The following PHF10 variants were observed in gnomAD, a reference collection of about 807,000 sequenced individuals.
PHF10 encodes BRG1-associated factor 45a.
PHF10 carries 51 observed loss-of-function variants against 68.5 expected under a neutral mutation model. The ratio of observed to expected loss-of-function variants is 0.74; its 90% CI spans 0.59 to 0.94. PHF10 has a LOEUF of 0.94. Among genes scored for constraint, PHF10 ranks in the 40% least tolerant of loss-of-function variants. The pLI is 0.00. For missense variants in PHF10, 460 were observed against 602.6 expected (o/e 0.76, Z 2.48); for synonymous variants, 204 against 203.5 (o/e 1.00, Z -0.02).
In PHF10 at chr6:169,704,036, C is replaced by T; in HGVS notation, c.1464G>A (p.Val488=). The part of the protein sequence containing the change: ...CQRAPPTPRK[V]GRRGKNSKEG ...CTTTGCTGTTTTTCCCCCTTCTGCC[C>T]ACTTTCCTGGGTGTTGGGGGGGCCC... The change falls in exon 12 of 12, where the codon GTG becomes GTA. Residue 488 remains valine (V), a synonymous_variant. Coordinates refer to ENST00000339209, the MANE Select transcript of PHF10 (RefSeq NM_018288.4). 6.2e-7 allele frequency: 1 copy of T among 1,600,082 alleles called. No homozygotes were observed. The highest frequency in any genetic ancestry group is 1.8e-5 in the Admixed American group (1 of 56,316).
chr6:169,710,026 G>A (rs1352717606), intron 9 of PHF10: 1 of 397,874 alleles, frequency 2.5e-6, no homozygotes, highest in Non-Finnish European at 4.5e-6. Context: ...TACATATACA[G>A]AAAACAGAAG....
rs757205358 is a variant in PHF10, at chr6:169,705,725, C to G, written c.1114-1G>C. ...ATATAGCATTTGGAATGACCTTTGG[C>G]TGGAAGGGTAGAAGAGGGCTATAAA... On this transcript the variant is annotated splice_acceptor_variant, in intron 9 of 11. Coordinates refer to ENST00000339209, the MANE Select transcript of PHF10 (RefSeq NM_018288.4). LOFTEE classifies it high-confidence loss of function. 3.9e-5 allele frequency: 57 copies of G among 1,472,436 alleles called. No individual in the cohort carries two copies. Among genetic ancestry groups the G allele is most frequent in the Non-Finnish European group, 5.1e-5 (54 of 1,051,152 alleles). 91.2% of individuals were successfully genotyped at this position (1,472,436 alleles called of 1,614,324 possible).
intron 11 of PHF10, 172 bp from the exon 12 acceptor site, chr6:169,704,260 A>T: frequency 1.8e-6 from 1 of 544,738 alleles, no homozygotes; most frequent in Non-Finnish European, 3.2e-6. Flanking sequence ...AACTTAATCA[A>T]TGTAATCAAT....
chr6:169,721,630 T>C (rs1385093166), intron 1 of PHF10, among the ~76,000 whole-genome samples: 3 of 152,170 alleles, frequency 2.0e-5, no homozygotes, highest in South Asian at 2.1e-4. Context: ...ATCTATAATA[T>C]AGCAGCACAC....
intron 2 of PHF10, 75 bp downstream of exon 2, chr6:169,720,929 TG>T (rs1562989064): frequency 1.4e-5 from 10 of 725,968 alleles, no homozygotes; most frequent in Non-Finnish European, 4.7e-6. Flanking sequence ...TTGCCAGAGC[TG>T]GGGGAAAGGG....
At chr6:169,704,302 A>G (rs1788693982) in intron 11 of PHF10, 2 of 501,598 alleles carry the variant, frequency 4.0e-6, no homozygotes, top group South Asian at 7.8e-5. Context: ...GTCAAGGGGG[A>G]TGGGAGAGAT....
chr6:169,710,214 G>A (rs1055735341), intron 9 of PHF10, 22 bp downstream of exon 9: 3 of 1,561,424 alleles, frequency 1.9e-6, no homozygotes, highest in African/African-American at 2.8e-5. Flanking sequence ...AAGAAGCTGA[G>A]TCAGGGGCTT....
At chr6:169,705,006 C>T in intron 11 of PHF10, 127 bp downstream of exon 11, 2 of 601,762 alleles carry the variant, frequency 3.3e-6, no homozygotes, top group East Asian at 3.0e-5. Flanking sequence ...ATAATCACAG[C>T]TTTGGTCATA....
In PHF10 at chr6:169,717,819, T is replaced by C. The variant is rs770766080; in HGVS notation, c.409+4A>G. On this transcript the variant is annotated splice_donor_region_variant and intron_variant, in intron 4 of 11. Coordinates refer to ENST00000339209, the MANE Select transcript of PHF10 (RefSeq NM_018288.4). ...AAAAATTCACATTAAAAAGCTATTCTTACCTAGAGTGCACTGAGTTTCAGT... is the reference window on the plus strand; with the variant it reads ...AAAAATTCACATTAAAAAGCTATTCCTACCTAGAGTGCACTGAGTTTCAGT... 3.0e-6 allele frequency: 4 copies of C among 1,337,214 alleles called. No individual in the cohort carries two copies. In the South Asian group the frequency reaches 3.8e-5, roughly 13 times the overall value. 82.8% of individuals were successfully genotyped at this position (1,337,214 alleles called of 1,614,324 possible). A position where few individuals can be genotyped will look rare whatever the true frequency, so the allele number is the denominator to read the frequency against.
At chr6:169,713,282 T>C (rs1243471782) in intron 7 of PHF10, among the ~76,000 whole-genome samples, 3 of 152,158 alleles carry the variant, frequency 2.0e-5, no homozygotes, top group African/African-American at 7.2e-5. Flanking sequence ...TTTTAATAAT[T>C]TGCTGATGCC....
intron 8 of PHF10, among the ~76,000 whole-genome samples, chr6:169,711,475 G>T (rs1397574896): frequency 6.6e-6 from 1 of 152,092 alleles, no homozygotes; most frequent in Non-Finnish European, 1.5e-5. Context: ...TAGTGGATTT[G>T]CTAGGTCAAA....
At chr6:169,709,017 C>T (rs1788869354) in intron 9 of PHF10, 1 of 152,018 alleles carries the variant, frequency 6.6e-6, no homozygotes, top group African/African-American at 2.4e-5. Flanking sequence ...ATTGCAGCCA[C>T]CCTTGGAAGC....
chr6:169,717,667 T>C (rs1221654398), intron 4 of PHF10, 156 bp downstream of exon 4: 2 of 544,522 alleles, frequency 3.7e-6, no homozygotes, highest in African/African-American at 2.0e-5. Flanking sequence ...TCCTGTGTAT[T>C]TTAACAATAA....
intron 9 of PHF10, among the ~76,000 whole-genome samples, chr6:169,706,658 CAGT>C (rs1184447167): frequency 6.7e-6 from 1 of 149,802 alleles, no homozygotes; most frequent in Non-Finnish European, 1.5e-5. Flanking sequence ...AAGTAAATAA[CAGT>C]GGTAAAAAAG....
rs1332368284 is a variant in PHF10, at chr6:169,723,959, CCGCCGT to C, written c.-34_-29del. On this transcript the variant is annotated 5_prime_UTR_variant, in exon 1 of 12. Coordinates refer to ENST00000339209, the MANE Select transcript of PHF10 (RefSeq NM_018288.4). The stretch of plus-strand genomic sequence containing the variant: ...GCCCGAGCGCCCCGCGCCGCCGCCG[CCGCCGT>C]CGCCTCCGCCTTGTCCCGGCCGCCG... 13 of 752,600 alleles carry C rather than the reference CCGCCGT, an allele frequency of 1.7e-5. No homozygotes were observed. Among genetic ancestry groups the C allele is most frequent in the South Asian group, 1.1e-4 (2 of 17,442 alleles). The allele number at this position is 752,600 out of a possible 1,614,324, so 46.6% of individuals were successfully genotyped here. A position where few individuals can be genotyped will look rare whatever the true frequency, so the allele number is the denominator to read the frequency against.
intron 3 of PHF10, 104 bp from the exon 4 acceptor site, chr6:169,718,010 C>A: frequency 7.7e-6 from 4 of 517,436 alleles, no homozygotes; most frequent in South Asian, 3.4e-5. Flanking sequence ...ATTCATATTA[C>A]ATATTCCAAA....
At chr6:169,718,046 T>C in intron 3 of PHF10, 140 bp from the exon 4 acceptor site, 1 of 469,586 alleles carries the variant, frequency 2.1e-6, no homozygotes, top group Non-Finnish European at 3.8e-6. Flanking sequence ...TACAAAAAAA[T>C]TTATAAATTC....
intron 4 of PHF10, among the ~76,000 whole-genome samples, chr6:169,717,182 G>C (rs1452394284): frequency 6.6e-6 from 1 of 152,146 alleles, no homozygotes; most frequent in African/African-American, 2.4e-5. Flanking sequence ...CCGGGAGATG[G>C]AGGTTGCAGT....
intron 9 of PHF10, among the ~76,000 whole-genome samples, chr6:169,706,798 T>C (rs1293556696): frequency 7.1e-6 from 1 of 141,060 alleles, no homozygotes; most frequent in Non-Finnish European, 1.5e-5. Context: ...ACTGGGAAAA[T>C]AATTATTTTA....
Sources: allele counts gnomAD v4.1 joint callset (sites outside exome capture counted in the v4.1 genomes callset), GRCh38; gene constraint gnomAD v4.1.1; transcripts MANE v1.5; gene names NCBI Gene and HGNC (gene_info 2026-07-23, HGNC 2026-07-21).